ARMH3: variants seen among roughly 807,000 people sequenced by gnomAD.
The protein encoded by ARMH3 is armadillo like helical domain containing 3, also known as armadillo-like helical domain-containing protein 3.
In ARMH3, 60 loss-of-function variants were observed where a neutral mutation model predicts 99.1. The observed-to-expected ratio is 0.61, with a 90% confidence interval of 0.49 to 0.75. The LOEUF (loss-of-function observed/expected upper bound fraction) is 0.75. Among genes scored for constraint, ARMH3 ranks in the 30% least tolerant of loss-of-function variants. ARMH3 has a pLI of 0.00. For missense variants in ARMH3, 679 were observed against 843.1 expected, an observed-to-expected ratio of 0.81 and a Z score of 2.41; for synonymous variants, 285 against 292.8, an observed-to-expected ratio of 0.97 and a Z score of 0.27.
intron 24 of ARMH3, among the ~76,000 whole-genome samples, chr10:101,888,519 T>C (rs551124827): frequency 6.6e-6 from 1 of 152,158 alleles, no homozygotes; most frequent in Admixed American, 6.5e-5. Flanking sequence ...CTGAATAGCT[T>C]TGAGGAACAC....
At chr10:102,027,278 C>CAA (rs1228063848) in intron 5 of ARMH3, among the ~76,000 whole-genome samples, 12 of 56,418 alleles carry the variant, frequency 2.1e-4, no homozygotes, top group South Asian at 2.0e-3. Context: ...GATTCCGTCT[C>CAA]AAAAAAAAAA....
intron 22 of ARMH3, among the ~76,000 whole-genome samples, chr10:101,944,301 GAGA>G (rs1844410698): frequency 1.5e-5 from 2 of 130,038 alleles, no homozygotes; most frequent in South Asian, 2.5e-4. Context: ...GAGAGAGAGA[GAGA>G]GAGAGAGAGA....
chr10:101,847,054 GA>G lies in ARMH3; in HGVS notation c.*473del. ...GGACAAAGTGCCAGTGCAGGCAGGG[GA>G]CACAGATTTCAAGCCAAGCACAGCC... On this transcript the variant is annotated 3_prime_UTR_variant, in exon 26 of 26. Transcript: ENST00000370033. 6.4e-6 allele frequency: 1 copy of G among 157,312 alleles called. No homozygotes were observed. The highest frequency in any genetic ancestry group is 1.4e-5 in the Non-Finnish European group (1 of 71,170). 9.7% of individuals were successfully genotyped at this position (157,312 alleles called of 1,614,324 possible).
chr10:101,967,547 G>A (rs1258492266), intron 20 of ARMH3, among the ~76,000 whole-genome samples: 1 of 152,118 alleles, frequency 6.6e-6, no homozygotes, highest in Non-Finnish European at 1.5e-5. Flanking sequence ...GACCAGCCCG[G>A]CCAACATGGT....
chr10:101,950,371 ACAGT>A (rs1428497723), intron 22 of ARMH3, among the ~76,000 whole-genome samples: 24 of 152,230 alleles, frequency 1.6e-4, no homozygotes, highest in Non-Finnish European at 2.5e-4. Flanking sequence ...AAAAGTGAGG[ACAGT>A]CAAACAGTGT....
At chr10:101,900,760 C>A (rs372911585) in intron 23 of ARMH3, among the ~76,000 whole-genome samples, 8 of 152,154 alleles carry the variant, frequency 5.3e-5, no homozygotes, top group African/African-American at 1.9e-4. Context: ...GGTGGGAGAA[C>A]TGCTTGAGGC....
chr10:101,854,494 TG>T (rs1328410612), intron 24 of ARMH3, among the ~76,000 whole-genome samples: 1 of 152,152 alleles, frequency 6.6e-6, no homozygotes, highest in Non-Finnish European at 1.5e-5. Context: ...GAACAACTTC[TG>T]GGTTCAAGTG....
At chr10:101,975,944 G>T (rs1845977483) in intron 19 of ARMH3, among the ~76,000 whole-genome samples, 1 of 151,006 alleles carries the variant, frequency 6.6e-6, no homozygotes, top group South Asian at 2.1e-4. Flanking sequence ...CACGAGGTCA[G>T]GAGATCAAGA....
chr10:101,865,589 A>G (rs1435885826), intron 24 of ARMH3, among the ~76,000 whole-genome samples: 1 of 152,022 alleles, frequency 6.6e-6, no homozygotes, highest in Non-Finnish European at 1.5e-5. Context: ...CCCAGATTCA[A>G]GCGATTCTCC....
At chr10:101,877,994 A>G (rs2067310615) in intron 24 of ARMH3, among the ~76,000 whole-genome samples, 1 of 152,132 alleles carries the variant, frequency 6.6e-6, no homozygotes, top group African/African-American at 2.4e-5. Flanking sequence ...ACAGTGGCTC[A>G]CACCTATAAT....
chr10:102,041,770 T>A (rs2067432048), intron 1 of ARMH3, among the ~76,000 whole-genome samples: 1 of 152,080 alleles, frequency 6.6e-6, no homozygotes, highest in Non-Finnish European at 1.5e-5. Context: ...TGCCTCAGCC[T>A]CCCAAGTAGC....
At chr10:101,976,658 T>C (rs1846026879) in intron 19 of ARMH3, among the ~76,000 whole-genome samples, 1 of 152,144 alleles carries the variant, frequency 6.6e-6, no homozygotes, top group Non-Finnish European at 1.5e-5. Flanking sequence ...TGTATCTATC[T>C]GAATGTGGTT....
chr10:101,883,673 T>C (rs2067470500), intron 24 of ARMH3, among the ~76,000 whole-genome samples: 1 of 151,984 alleles, frequency 6.6e-6, no homozygotes. Context: ...GCAACACAAG[T>C]TGTATGACAA....
chr10:101,916,150 A>G (rs1170627957), intron 23 of ARMH3, among the ~76,000 whole-genome samples: 1 of 152,164 alleles, frequency 6.6e-6, no homozygotes, highest in East Asian at 1.9e-4. Context: ...GGGCCCAGAC[A>G]GAAGAAATAA....
chr10:101,984,095 C>G (rs4919606), intron 19 of ARMH3, among the ~76,000 whole-genome samples: 107,834 of 152,060 alleles, frequency 0.71, 39,732 homozygotes, highest in African/African-American at 0.92. Flanking sequence ...TGTGTAGGGA[C>G]TAAACCCTCC....
chr10:102,047,307 T>C (rs771957737), intron 1 of ARMH3, among the ~76,000 whole-genome samples: 25 of 152,090 alleles, frequency 1.6e-4, no homozygotes, highest in Non-Finnish European at 3.7e-4. Flanking sequence ...AGAAAGATAC[T>C]ATAAAACAGG....
At chr10:101,895,359 A>G (rs2067799431) in intron 23 of ARMH3, among the ~76,000 whole-genome samples, 1 of 149,496 alleles carries the variant, frequency 6.7e-6, no homozygotes, top group Admixed American at 6.7e-5. Flanking sequence ...GGCTCACTGC[A>G]AGCTCCACCT....
chr10:102,052,687 A>C (rs1458835206), intron 1 of ARMH3, among the ~76,000 whole-genome samples: 4 of 152,314 alleles, frequency 2.6e-5, no homozygotes, highest in South Asian at 2.1e-4. Flanking sequence ...CTGCCTTGAG[A>C]AGCTCACTAT....
intron 2 of ARMH3, among the ~76,000 whole-genome samples, chr10:102,035,140 T>A (rs2136219085): frequency 6.6e-6 from 1 of 151,752 alleles, no homozygotes; most frequent in Admixed American, 6.6e-5. Context: ...GCAGGCTGAG[T>A]CCGAGGCGCC....
Sources: gnomAD v4.1 joint callset for allele counts (sites outside exome capture counted in the v4.1 genomes callset) on GRCh38, gnomAD v4.1.1 for gene constraint, MANE v1.5 for transcripts, NCBI Gene and HGNC (gene_info 2026-07-23, HGNC 2026-07-21) for gene names.